The following SMYD3 variants were observed in gnomAD, a reference collection of about 807,000 sequenced individuals.
The protein encoded by SMYD3 is SET and MYND domain containing 3.
Under a neutral mutation model 57.7 loss-of-function variants are expected in SMYD3, and 36 were observed. The ratio of observed to expected loss-of-function variants is 0.62; its 90% confidence interval spans 0.48 to 0.82. The LOEUF is 0.82. Ranked by LOEUF, SMYD3 falls within the 40% of genes least tolerant of loss-of-function variation. The pLI, the probability that SMYD3 is intolerant of heterozygous loss-of-function variation, is 0.00. For missense variants in SMYD3, 515 were observed against 538.8 expected (o/e 0.96, Z 0.44); for synonymous variants, 211 against 195.0 (o/e 1.08, Z -0.68).
intron 8 of SMYD3, among the ~76,000 whole-genome samples, chr1:245,878,346 C>T (rs993164564): frequency 6.6e-6 from 1 of 152,106 alleles, no homozygotes; most frequent in African/African-American, 2.4e-5. Context: ...GAAAGGCAGA[C>T]CCCAACAGAT....
At chr1:246,138,650 C>T (rs34357266) in intron 5 of SMYD3, among the ~76,000 whole-genome samples, 70,158 of 144,052 alleles carry the variant, frequency 0.49, 20,997 homozygotes, top group Non-Finnish European at 0.69. Context: ...TGGTCTCGAT[C>T]TCCTGACCTC....
At chr1:246,179,801 C>T (rs951065504) in intron 5 of SMYD3, among the ~76,000 whole-genome samples, 1 of 152,064 alleles carries the variant, frequency 6.6e-6, no homozygotes, top group Admixed American at 6.6e-5. Flanking sequence ...GTGTTGATAG[C>T]GGAGATTTGG....
chr1:245,938,756 C>G (rs1438795420), intron 5 of SMYD3, among the ~76,000 whole-genome samples: 5 of 152,142 alleles, frequency 3.3e-5, no homozygotes, highest in South Asian at 2.1e-4. Context: ...TTTAACTAGT[C>G]ACCATCATGA....
At chr1:245,859,932 A>C (rs538858268) in intron 9 of SMYD3, among the ~76,000 whole-genome samples, 15 of 152,358 alleles carry the variant, frequency 9.8e-5, no homozygotes, top group African/African-American at 3.6e-4. Context: ...AAGAATGAGT[A>C]ATATATTGTA....
At chr1:246,395,826 C>T (rs73132610) in intron 1 of SMYD3, among the ~76,000 whole-genome samples, 3,575 of 150,242 alleles carry the variant, frequency 0.024, 174 homozygotes, top group African/African-American at 0.085. Flanking sequence ...ACAGGGAAGA[C>T]GAACCCACCA....
intron 1 of SMYD3, among the ~76,000 whole-genome samples, chr1:246,422,619 G>A (rs1300750712): frequency 6.6e-6 from 1 of 151,890 alleles, no homozygotes; most frequent in Non-Finnish European, 1.5e-5. Flanking sequence ...ACGGGGTTTC[G>A]CCACGTTAGC....
chr1:245,823,283 T>TC (rs762292034), intron 10 of SMYD3, among the ~76,000 whole-genome samples: 7 of 152,120 alleles, frequency 4.6e-5, no homozygotes, highest in Non-Finnish European at 1.0e-4. Context: ...TCTCTGCCCT[T>TC]CCCCCAAGCT....
At chr1:246,290,296 AAAT>A (rs1448974727) in intron 5 of SMYD3, among the ~76,000 whole-genome samples, 2 of 152,164 alleles carry the variant, frequency 1.3e-5, no homozygotes, top group African/African-American at 2.4e-5. Flanking sequence ...CTGTCGCTTG[AAAT>A]TTTAAAAGCT....
At chr1:245,903,210 A>C (rs2054311090) in intron 8 of SMYD3, among the ~76,000 whole-genome samples, 1 of 152,190 alleles carries the variant, frequency 6.6e-6, no homozygotes, top group Non-Finnish European at 1.5e-5. Flanking sequence ...ATAATCGAGA[A>C]GCTTCAACAA....
At chr1:245,792,315 T>C (rs73134710) in intron 10 of SMYD3, among the ~76,000 whole-genome samples, 2,420 of 152,340 alleles carry the variant, frequency 0.016, 58 homozygotes, top group African/African-American at 0.055. Flanking sequence ...AATATAATAA[T>C]TGGCCTAAGC....
intron 8 of SMYD3, among the ~76,000 whole-genome samples, chr1:245,875,474 G>A (rs1301453892): frequency 6.6e-6 from 1 of 152,162 alleles, no homozygotes; most frequent in Non-Finnish European, 1.5e-5. Context: ...CGCCTGAGTC[G>A]TGCACATCTT....
At chr1:246,075,941 G>GA (rs34386298) in intron 5 of SMYD3, among the ~76,000 whole-genome samples, 36,432 of 92,772 alleles carry the variant, frequency 0.39, 6,359 homozygotes, top group East Asian at 0.62. Flanking sequence ...CATATAGCAA[G>GA]AAAAAAAAAA....
At chr1:246,039,546 C>T (rs1347429648) in intron 5 of SMYD3, among the ~76,000 whole-genome samples, 1 of 152,156 alleles carries the variant, frequency 6.6e-6, no homozygotes, top group Non-Finnish European at 1.5e-5. Context: ...ATTGCTGTAT[C>T]CCTCAAACTG....
rs1260652703 is a variant in SMYD3, at chr1:245,906,482, C to G, written c.813+9048G>C. Among the ~76,000 whole-genome samples the G allele has an allele frequency of 3.9e-5, 6 of 152,068 alleles. No homozygotes were observed. The East Asian group carries it at 9.6e-4, about 24-fold the overall frequency. ...CAGTTAAAATGGCTTATAATAAAGA[C>G]AAGCAGTAACAAATGCTGGTGAGGA... is the stretch of plus-strand genomic sequence containing the variant. On this transcript the variant is annotated intron_variant, in intron 8 of 11. Coordinates refer to ENST00000490107, the MANE Select transcript of SMYD3 (RefSeq NM_001167740.2).
At chr1:246,349,797 A>G (rs1328631766) in intron 2 of SMYD3, among the ~76,000 whole-genome samples, 1 of 152,236 alleles carries the variant, frequency 6.6e-6, no homozygotes, top group Non-Finnish European at 1.5e-5. Flanking sequence ...TCTAATGAAG[A>G]GAAAAGAAAT....
intron 1 of SMYD3, among the ~76,000 whole-genome samples, chr1:246,378,736 A>C (rs1440570549): frequency 1.1e-5 from 1 of 93,706 alleles, no homozygotes; most frequent in Non-Finnish European, 2.0e-5. Flanking sequence ...TATATATTAT[A>C]TATAATTATA....
At chr1:246,258,287 G>T (rs544773046) in intron 5 of SMYD3, among the ~76,000 whole-genome samples, 2 of 151,926 alleles carry the variant, frequency 1.3e-5, no homozygotes, top group Non-Finnish European at 2.9e-5. Flanking sequence ...CGCCCACCTC[G>T]GCCTCCCAAA....
At chr1:245,860,694 T>C (rs922623107) in intron 9 of SMYD3, among the ~76,000 whole-genome samples, 1 of 152,236 alleles carries the variant, frequency 6.6e-6, no homozygotes, top group Non-Finnish European at 1.5e-5. Flanking sequence ...TCATCTGACA[T>C]GTATGTTCAA....
intron 1 of SMYD3, among the ~76,000 whole-genome samples, chr1:246,451,946 G>A (rs1380350492): frequency 6.6e-6 from 1 of 151,846 alleles, no homozygotes; most frequent in Non-Finnish European, 1.5e-5. Flanking sequence ...CCTCACCTCC[G>A]TAGCACAACC....
Sources: gnomAD v4.1 joint callset for allele counts (sites outside exome capture counted in the v4.1 genomes callset) on GRCh38, gnomAD v4.1.1 for gene constraint, MANE v1.5 for transcripts, NCBI Gene and HGNC (gene_info 2026-07-23, HGNC 2026-07-21) for gene names.